SPSB4: variants seen among roughly 807,000 people sequenced by gnomAD.
SPSB4 encodes the protein splA/ryanodine receptor domain and SOCS box containing 4.
A neutral mutation model predicts 20.9 loss-of-function variants in SPSB4; 21 were observed. That is an observed-to-expected ratio of 1.01 (90% CI 0.71 to 1.45). The LOEUF (loss-of-function observed/expected upper bound fraction) is 1.45. Among genes scored for constraint, SPSB4 ranks in the 40% most tolerant of loss-of-function variants. The probability of loss-of-function intolerance (pLI) is 0.00; values close to 1 mark genes in which losing one functional copy is unlikely to be tolerated. For synonymous variants in SPSB4, 207 were observed against 183.8 expected (o/e 1.13, Z -1.02); for missense variants, 399 against 399.2 (o/e 1.00, Z 0.00).
intron 2 of SPSB4, among the ~76,000 whole-genome samples, chr3:141,074,879 C>T (rs187398713): frequency 6.6e-6 from 1 of 152,338 alleles, no homozygotes; most frequent in East Asian, 1.9e-4. Context: ...GGTAAAGGGT[C>T]TCACCTTTTC....
chr3:141,136,692 G>T (rs949882160), intron 2 of SPSB4, among the ~76,000 whole-genome samples: 4 of 152,230 alleles, frequency 2.6e-5, no homozygotes, highest in East Asian at 1.9e-4. Context: ...CTGTTCCATT[G>T]GTCTATATCT....
At chr3:141,095,982 G>A (rs376063592) in intron 2 of SPSB4, among the ~76,000 whole-genome samples, 2 of 152,128 alleles carry the variant, frequency 1.3e-5, no homozygotes, top group South Asian at 4.2e-4. Flanking sequence ...TGGGGCCATG[G>A]GGGACAACAG....
At chr3:141,141,268 C>T (rs957621996) in intron 2 of SPSB4, among the ~76,000 whole-genome samples, 2 of 152,224 alleles carry the variant, frequency 1.3e-5, no homozygotes, top group Admixed American at 6.5e-5. Context: ...TCCCTGACCC[C>T]TTGCACTTCC....
intron 2 of SPSB4, among the ~76,000 whole-genome samples, chr3:141,101,815 C>T (rs1424378861): frequency 6.6e-6 from 1 of 152,234 alleles, no homozygotes; most frequent in Non-Finnish European, 1.5e-5. Context: ...ACATCTTAAA[C>T]TAGTCATAAT....
chr3:141,076,365 G>A (rs1011585785), intron 2 of SPSB4, among the ~76,000 whole-genome samples: 10 of 152,220 alleles, frequency 6.6e-5, no homozygotes, highest in African/African-American at 2.4e-4. Flanking sequence ...TCTTATAGTT[G>A]CCAATGCAGT....
intron 1 of SPSB4, among the ~76,000 whole-genome samples, chr3:141,055,014 C>A (rs951418515): frequency 2.0e-5 from 3 of 152,068 alleles, no homozygotes; most frequent in Non-Finnish European, 4.4e-5. Context: ...AGTGGCTAGT[C>A]CTTCTTCAGT....
At chr3:141,142,422 GA>G (rs1395188284) in intron 2 of SPSB4, among the ~76,000 whole-genome samples, 2 of 152,140 alleles carry the variant, frequency 1.3e-5, no homozygotes, top group Admixed American at 1.3e-4. Flanking sequence ...ATATAAGTTT[GA>G]TTTTCTTAAA....
rs117538180 is a variant in SPSB4 at position 141,067,280 on chromosome 3, G to A, written c.694+482G>A. Among the ~76,000 whole-genome samples the A allele has an allele frequency of 3.3e-3, 507 of 152,240 alleles. 7 individuals are homozygous for A. The highest frequency in any genetic ancestry group is 0.023 in the East Asian group (118 of 5,178). ...TGATAAGTAATAAGTACTGATAACC[G>A]TCCTTTATTGGCCATCTACTGTATT... On this transcript the variant is annotated intron_variant, in intron 2 of 2. Coordinates refer to ENST00000310546, the MANE Select transcript of SPSB4 (RefSeq NM_080862.3).
At chr3:141,104,980 C>T (rs1050471395) in intron 2 of SPSB4, among the ~76,000 whole-genome samples, 7 of 152,128 alleles carry the variant, frequency 4.6e-5, no homozygotes, top group South Asian at 2.1e-4. Context: ...CCATCCAAGC[C>T]GCCTGCAGGT....
chr3:141,058,592 T>C (rs1937702318), intron 1 of SPSB4, among the ~76,000 whole-genome samples: 1 of 152,044 alleles, frequency 6.6e-6, no homozygotes, highest in Non-Finnish European at 1.5e-5. Context: ...GTAGTGGAGA[T>C]GAGGAGAGGA....
At chr3:141,078,277 G>A (rs1383595376) in intron 2 of SPSB4, among the ~76,000 whole-genome samples, 2 of 152,210 alleles carry the variant, frequency 1.3e-5, no homozygotes, top group Non-Finnish European at 2.9e-5. Context: ...CTCACCTGCC[G>A]AATCAGAAAC....
chr3:141,097,818 AT>A lies in SPSB4; in HGVS notation c.694+31024del, dbSNP rs1425302682. Among the ~76,000 whole-genome samples the A allele has an allele frequency of 3.3e-5, 5 of 152,340 alleles. No homozygotes were observed. The East Asian group carries it at 9.6e-4, about 29-fold the overall frequency. ...TTGATAATATTTAATAATAGAAATA[AT>A]TTTAAAAGAAAGTGTAATTACCAAT... On this transcript the variant is annotated intron_variant, in intron 2 of 2. Coordinates refer to ENST00000310546, the MANE Select transcript of SPSB4 (RefSeq NM_080862.3).
intron 2 of SPSB4, among the ~76,000 whole-genome samples, chr3:141,142,299 C>T (rs1939343252): frequency 1.3e-5 from 2 of 152,034 alleles, no homozygotes; most frequent in Non-Finnish European, 2.9e-5. Context: ...CATTGTTGAC[C>T]CAAAGATCAT....
chr3:141,059,882 A>C (rs1937728886), intron 1 of SPSB4, among the ~76,000 whole-genome samples: 1 of 152,238 alleles, frequency 6.6e-6, no homozygotes, highest in African/African-American at 2.4e-5. Context: ...GTTAGCACAT[A>C]GTTAGCAGCA....
At chr3:141,136,336 T>C (rs538015084) in intron 2 of SPSB4, among the ~76,000 whole-genome samples, 1 of 152,178 alleles carries the variant, frequency 6.6e-6, no homozygotes, top group Non-Finnish European at 1.5e-5. Flanking sequence ...AGAAGCTCTT[T>C]AGTTTAATTA....
At chr3:141,126,811 T>C (rs1186230332) in intron 2 of SPSB4, among the ~76,000 whole-genome samples, 1 of 152,150 alleles carries the variant, frequency 6.6e-6, no homozygotes, top group South Asian at 2.1e-4. Flanking sequence ...ACCCCTTCCA[T>C]GGATAGATTA....
chr3:141,113,761 A>G (rs759171037), intron 2 of SPSB4, among the ~76,000 whole-genome samples: 7 of 152,236 alleles, frequency 4.6e-5, no homozygotes, highest in Non-Finnish European at 4.4e-5. Context: ...GTTGAATAAC[A>G]CTGTGAATGT....
chr3:141,119,586 C>G (rs776714349), intron 2 of SPSB4, among the ~76,000 whole-genome samples: 8 of 152,160 alleles, frequency 5.3e-5, no homozygotes, highest in Non-Finnish European at 1.2e-4. Context: ...AAAGGGAATG[C>G]TTCCAGTTTT....
chr3:141,106,724 GTC>G lies in SPSB4; in HGVS notation c.694+39935_694+39936del, dbSNP rs778485590. Among the ~76,000 whole-genome samples the G allele has an allele frequency of 1.1e-3, 164 of 152,272 alleles. 2 individuals are homozygous for G. The highest frequency in any genetic ancestry group is 2.6e-3 in the Admixed American group (39 of 15,294). Reference sequence around the variant, plus strand: ...TCAAACACCATTGGCAGGGTCTGACGTCTCTCTCTCCATTTCTCAGCTCTTCT... The same window carrying G: ...TCAAACACCATTGGCAGGGTCTGACGTCTCTCTCCATTTCTCAGCTCTTCT... On this transcript the variant is annotated intron_variant, in intron 2 of 2. Transcript: ENST00000310546.
Sources: gnomAD v4.1 joint callset for allele counts (sites outside exome capture counted in the v4.1 genomes callset) on GRCh38, gnomAD v4.1.1 for gene constraint, MANE v1.5 for transcripts, NCBI Gene and HGNC (gene_info 2026-07-23, HGNC 2026-07-21) for gene names.